ABR: variants seen among roughly 807,000 people sequenced by gnomAD.
The protein encoded by ABR is active breakpoint cluster region-related protein.
Under a neutral mutation model 107.2 loss-of-function variants are expected in ABR, and 35 were observed. That is an observed-to-expected ratio of 0.33 (90% CI 0.25 to 0.43). The LOEUF (loss-of-function observed/expected upper bound fraction) is 0.43, where lower values mean the gene tolerates loss of function less well. ABR is among the 20% of genes least tolerant of loss of function. The pLI is 1.00. For missense variants in ABR, 815 were observed against 1,115.2 expected, an observed-to-expected ratio of 0.73 and a Z score of 3.83; for synonymous variants, 498 against 462.0, an observed-to-expected ratio of 1.08 and a Z score of -1.00.
intron 2 of ABR, chr17:1,109,159 G>GAGGA: frequency 3.9e-6 from 5 of 1,275,362 alleles, no homozygotes; most frequent in African/African-American, 1.5e-5. Flanking sequence ...GCGGGAGGGG[G>GAGGA]GGCAGGTCTA....
At chr17:1,185,056 T>C (rs2042245591) in intron 1 of ABR, 1 of 152,004 alleles carries the variant, frequency 6.6e-6, no homozygotes, top group South Asian at 2.1e-4. Context: ...CGGCAATTAG[T>C]GAATGAATGA....
intron 1 of ABR, among the ~76,000 whole-genome samples, chr17:1,215,875 C>A (rs1305167489): frequency 2.4e-5 from 2 of 83,744 alleles, no homozygotes; most frequent in Non-Finnish European, 4.8e-5. Flanking sequence ...GTGACCTTAC[C>A]CCCAACCCCC....
At position 1,179,136 on chromosome 17, in the gene ABR, G is replaced by T. The variant is rs1485901132; in HGVS notation, c.61+531C>A. Among the ~76,000 whole-genome samples the T allele has an allele frequency of 2.6e-5, 4 of 151,670 alleles. No individual in the cohort carries two copies. The highest frequency in any genetic ancestry group is 1.5e-5 in the Non-Finnish European group (1 of 67,894). On this transcript the variant is annotated intron_variant, in intron 1 of 22. Coordinates refer to ENST00000302538, the MANE Select transcript of ABR (RefSeq NM_021962.5). The surrounding 1 kb of genome is among the most constrained non-coding windows in gnomAD (Gnocchi z 4.9). The stretch of plus-strand genomic sequence containing the variant: ...GCCCCCGCGGATATCTGCACCCCCC[G>T]TCTCCCCTCCCACCCGATCCCACCC...
At chr17:1,119,596 A>G (rs1018493848) in intron 2 of ABR, among the ~76,000 whole-genome samples, 1 of 152,182 alleles carries the variant, frequency 6.6e-6, no homozygotes, top group Non-Finnish European at 1.5e-5. Context: ...ACTTGGTTCC[A>G]TTCCACAAAT....
At chr17:1,024,024 CAAAAAAAAAA>C (rs11334940) in intron 16 of ABR, among the ~76,000 whole-genome samples, 6 of 47,678 alleles carry the variant, frequency 1.3e-4, no homozygotes, top group South Asian at 1.4e-3. Context: ...GACTCCATCT[CAAAAAAAAAA>C]AAAAAAAAAA....
At chr17:1,170,515 C>T (rs936777618) in intron 1 of ABR, among the ~76,000 whole-genome samples, 2 of 152,198 alleles carry the variant, frequency 1.3e-5, no homozygotes, top group African/African-American at 4.8e-5. Flanking sequence ...CAGGTCACTA[C>T]AACCTCCGCC....
In ABR at chr17:1,071,125, T is replaced by C. The variant is rs535157908; in HGVS notation, c.895-1035A>G. On this transcript the variant is annotated intron_variant, in intron 8 of 22. Coordinates refer to ENST00000302538, the MANE Select transcript of ABR (RefSeq NM_021962.5). This position sits in a 1 kb window ranked among gnomAD's most constrained non-coding sequence, Gnocchi z 5.1. ...CTGCAGTGGAGCTGAGGTCACGCCA[T>C]TGCACTCCAGCCTGGACGATGGAAT... 7.3e-4 allele frequency among the ~76,000 whole-genome samples: 111 copies of C among 152,074 alleles called. No individual in the cohort carries two copies. The highest frequency in any genetic ancestry group is 2.6e-3 in the African/African-American group (107 of 41,490).
upstream of ABR, among the ~76,000 whole-genome samples, chr17:1,187,907 A>T (rs1168772236): frequency 6.6e-6 from 1 of 150,918 alleles, no homozygotes; most frequent in Non-Finnish European, 1.5e-5. Flanking sequence ...AAATAAATAA[A>T]TAAATAAATA....
rs562822176 is a variant in ABR at position 1,045,309 on chromosome 17, C to T, written c.1791+4741G>A. On this transcript the variant is annotated intron_variant, in intron 16 of 22. Coordinates refer to ENST00000302538, the MANE Select transcript of ABR (RefSeq NM_021962.5). ...TGGTGACCTTTCTGCCTCTGAATTC[C>T]TGCGGGACAATCTTCCATCTTCTTA... Among the ~76,000 whole-genome samples the T allele has an allele frequency of 3.0e-4, 45 of 152,346 alleles. No homozygotes were observed. The South Asian group carries it at 8.9e-3, about 30-fold the overall frequency.
intron 21 of ABR, among the ~76,000 whole-genome samples, chr17:1,008,449 G>A (rs571046566): frequency 4.4e-4 from 67 of 152,328 alleles, no homozygotes; most frequent in Admixed American, 1.7e-3. Flanking sequence ...CACCACACGC[G>A]CGCACACGGT....
intron 16 of ABR, among the ~76,000 whole-genome samples, chr17:1,018,258 G>A (rs573499602): frequency 1.3e-5 from 2 of 151,118 alleles, no homozygotes; most frequent in African/African-American, 2.4e-5. Context: ...TAGCCAGGAT[G>A]GTCTTGATCT....
At chr17:1,217,452 C>T (rs556764094) in intron 1 of ABR, among the ~76,000 whole-genome samples, 2 of 152,180 alleles carry the variant, frequency 1.3e-5, no homozygotes, top group South Asian at 2.1e-4. Context: ...TTAACCAACA[C>T]GTACTGAGTG....
chr17:1,030,056 C>T (rs1376325268), intron 16 of ABR, among the ~76,000 whole-genome samples: 5 of 152,248 alleles, frequency 3.3e-5, no homozygotes, highest in Admixed American at 2.6e-4. Flanking sequence ...AACTGCTCAG[C>T]AGCTCAATAG....
intron 2 of ABR, among the ~76,000 whole-genome samples, chr17:1,114,502 G>A (rs972997464): frequency 2.6e-4 from 40 of 151,508 alleles, no homozygotes; most frequent in Non-Finnish European, 5.3e-4. Flanking sequence ...GCCGGGCGCA[G>A]TGGCTCACAC....
intron 6 of ABR, 126 bp downstream of exon 6, chr17:1,079,178 AGCTCACACTCACACGCGCTCACACAC>A: frequency 1.4e-6 from 2 of 1,467,826 alleles, no homozygotes; most frequent in African/African-American, 1.4e-5. Flanking sequence ...ACGCGCACTC[AGCTCACACTCACACGCGCTCACACAC>A]GCTCACGCTC....
intron 2 of ABR, among the ~76,000 whole-genome samples, chr17:1,114,832 CTA>C (rs993949827): frequency 1.3e-5 from 2 of 152,124 alleles, no homozygotes; most frequent in African/African-American, 2.4e-5. Flanking sequence ...AGGAGAGAGA[CTA>C]TGTGAGGCAC....
intron 6 of ABR, chr17:1,079,090 G>T: frequency 7.0e-7 from 1 of 1,434,972 alleles, no homozygotes; most frequent in Non-Finnish European, 9.1e-7. Context: ...CCAGCAGCCT[G>T]CTGGCATCCT....
chr17:1,226,576 A>G (rs2043221283), intron 1 of ABR, among the ~76,000 whole-genome samples: 1 of 151,408 alleles, frequency 6.6e-6, no homozygotes, highest in East Asian at 1.9e-4. Context: ...ATGTGTGTGC[A>G]TGCATTTATG....
rs1473866647 is a variant in ABR at position 1,071,962 on chromosome 17, GGT to G, written c.894+650_894+651del. ...TCTGTCACCCAGGCTGGAGTGCAGT[GGT>G]GCGATCTCGGCTCACTGTAACCTCC... On this transcript the variant is annotated intron_variant, in intron 8 of 22. Coordinates refer to ENST00000302538, the MANE Select transcript of ABR (RefSeq NM_021962.5). This position sits in a 1 kb window ranked among gnomAD's most constrained non-coding sequence, Gnocchi z 5.1. Among the ~76,000 whole-genome samples, 1 of 152,248 alleles carries G rather than the reference GGT, an allele frequency of 6.6e-6. No individual in the cohort carries two copies. Among genetic ancestry groups the G allele is most frequent in the Non-Finnish European group, 1.5e-5 (1 of 68,044 alleles).
Sources: allele counts gnomAD v4.1 joint callset (sites outside exome capture counted in the v4.1 genomes callset), GRCh38; gene constraint gnomAD v4.1.1; non-coding constraint Gnocchi (gnomAD v3.1); transcripts MANE v1.5; gene names NCBI Gene and HGNC (gene_info 2026-07-23, HGNC 2026-07-21).